Variants in HNF4G observed in about 807,000 individuals in gnomAD.
HNF4G encodes the protein hepatocyte nuclear factor 4-gamma.
Under a neutral mutation model 50.9 loss-of-function variants are expected in HNF4G, and 21 were observed. The ratio of observed to expected loss-of-function variants is 0.41; its 90% CI spans 0.29 to 0.59. HNF4G has a LOEUF of 0.59. HNF4G is among the 20% of genes least tolerant of loss of function. The pLI is 0.26. For synonymous variants in HNF4G, 198 were observed against 185.6 expected (o/e 1.07, Z -0.54); for missense variants, 527 against 559.4 (o/e 0.94, Z 0.58).
intron 1 of HNF4G, among the ~76,000 whole-genome samples, chr8:75,422,283 T>A (rs1810792970): frequency 6.6e-6 from 1 of 152,208 alleles, no homozygotes; most frequent in African/African-American, 2.4e-5. Flanking sequence ...CAGTAATTTA[T>A]CTGTTTTCTA....
chr8:75,548,944 G>T (rs758295302), intron 3 of HNF4G, among the ~76,000 whole-genome samples: 1 of 152,132 alleles, frequency 6.6e-6, no homozygotes, highest in Non-Finnish European at 1.5e-5. Context: ...CATTTAAAAA[G>T]TGATTTATTT....
At chr8:75,547,296 A>G (rs1806808952) in intron 2 of HNF4G, among the ~76,000 whole-genome samples, 1 of 152,366 alleles carries the variant, frequency 6.6e-6, no homozygotes, top group South Asian at 2.1e-4. Flanking sequence ...TGCCAAAGAT[A>G]TTCAAAACTA....
intron 5 of HNF4G, among the ~76,000 whole-genome samples, chr8:75,555,319 A>G (rs1038773030): frequency 3.9e-5 from 6 of 152,174 alleles, no homozygotes; most frequent in Admixed American, 3.9e-4. Flanking sequence ...GGGAAGTGTT[A>G]CATTGGTAGG....
chr8:75,471,807 T>C (rs1171451962), intron 1 of HNF4G, among the ~76,000 whole-genome samples: 2 of 152,186 alleles, frequency 1.3e-5, no homozygotes, highest in Non-Finnish European at 1.5e-5. Context: ...ACTCCCAATG[T>C]TGTGAGGATT....
chr8:75,411,111 G>T (rs990949672), intron 1 of HNF4G, among the ~76,000 whole-genome samples: 4 of 152,180 alleles, frequency 2.6e-5, no homozygotes, highest in African/African-American at 9.7e-5. Context: ...CTTGACTAAG[G>T]TTACACGTTT....
chr8:75,508,181 T>TCA (rs1805647119), intron 2 of HNF4G, among the ~76,000 whole-genome samples: 1 of 152,142 alleles, frequency 6.6e-6, no homozygotes, highest in African/African-American at 2.4e-5. Flanking sequence ...AAATCCATCC[T>TCA]TCCAGCACAG....
chr8:75,539,892 GCAAAACACAT>G lies in HNF4G; in HGVS notation c.-62_-53del. The G allele has an allele frequency of 1.4e-6, 1 of 734,102 alleles. No individual in the cohort carries two copies. Among genetic ancestry groups the G allele is most frequent in the South Asian group, 1.6e-5 (1 of 62,048 alleles). The allele number at this position is 734,102 out of a possible 1,614,324, so 45.5% of individuals were successfully genotyped here. The stretch of plus-strand genomic sequence containing the variant: ...TTGGATTAGCACTCACAGATTGAAA[GCAAAACACAT>G]CAAAACACTCATCACGCACTCTGGG... On this transcript the variant is annotated 5_prime_UTR_variant, in exon 1 of 10. Transcript: ENST00000396423.
At chr8:75,552,854 GGTATTTTATTTTTCAATTTAAATCA>G (rs1448774139) in intron 4 of HNF4G, among the ~76,000 whole-genome samples, 163 bp from the exon 5 acceptor site, 3 of 151,704 alleles carry the variant, frequency 2.0e-5, no homozygotes, top group Non-Finnish European at 4.4e-5. Context: ...TAAACTTATA[GGTATTTTATTTTTCAATTTAAATCA>G]GTATTTCATT....
At chr8:75,425,958 G>A (rs1810882292) in intron 1 of HNF4G, among the ~76,000 whole-genome samples, 1 of 152,038 alleles carries the variant, frequency 6.6e-6, no homozygotes, top group African/African-American at 2.4e-5. Context: ...GCTAATATTA[G>A]TTTTTTAAGG....
chr8:75,417,921 A>G (rs1255411617), intron 1 of HNF4G, among the ~76,000 whole-genome samples: 1 of 151,840 alleles, frequency 6.6e-6, no homozygotes, highest in Non-Finnish European at 1.5e-5. Context: ...TTGCACGATA[A>G]ATTTTGAATA....
chr8:75,485,463 A>G (rs1355442122), intron 1 of HNF4G, among the ~76,000 whole-genome samples: 1 of 152,184 alleles, frequency 6.6e-6, no homozygotes, highest in Non-Finnish European at 1.5e-5. Context: ...AATTCTATGT[A>G]AAAAACTGCA....
At chr8:75,512,940 A>T (rs1266323909) in intron 2 of HNF4G, among the ~76,000 whole-genome samples, 2 of 152,126 alleles carry the variant, frequency 1.3e-5, no homozygotes, top group Non-Finnish European at 2.9e-5. Flanking sequence ...TAGATGATTG[A>T]GTTTATGTGT....
At chr8:75,504,507 CATAT>C (rs1813023467) in intron 2 of HNF4G, among the ~76,000 whole-genome samples, 1 of 82,182 alleles carries the variant, frequency 1.2e-5, no homozygotes, top group Non-Finnish European at 2.3e-5. Flanking sequence ...CATATATACA[CATAT>C]ACATATACTT....
At chr8:75,511,771 T>C (rs1805758232) in intron 2 of HNF4G, among the ~76,000 whole-genome samples, 1 of 152,128 alleles carries the variant, frequency 6.6e-6, no homozygotes, top group Non-Finnish European at 1.5e-5. Flanking sequence ...TTTGTGTTTT[T>C]AGTAGAGACG....
intron 1 of HNF4G, among the ~76,000 whole-genome samples, chr8:75,419,109 G>T (rs1254113942): frequency 6.6e-6 from 1 of 152,172 alleles, no homozygotes; most frequent in Non-Finnish European, 1.5e-5. Context: ...TGGCCTTTGA[G>T]TCAATGATAG....
At chr8:75,407,976 C>T (rs963724304), upstream of HNF4G, 39 of 151,984 alleles carry the variant, frequency 2.6e-4, no homozygotes, top group African/African-American at 8.7e-4. Flanking sequence ...TAAGTTTCTC[C>T]GCCGCCGCCC....
intron 9 of HNF4G, 72 bp from the exon 10 acceptor site, chr8:75,563,903 G>A: frequency 6.5e-7 from 1 of 1,536,802 alleles, no homozygotes; most frequent in Non-Finnish European, 8.9e-7. Flanking sequence ...GTGTATTGGT[G>A]TTATGTAGGG....
chr8:75,486,177 A>G (rs1585885888), intron 1 of HNF4G, among the ~76,000 whole-genome samples: 1 of 152,200 alleles, frequency 6.6e-6, no homozygotes, highest in African/African-American at 2.4e-5. Flanking sequence ...TTTCTTGACC[A>G]TCACATTTGA....
chr8:75,556,562 T>C (rs78924581), intron 6 of HNF4G, among the ~76,000 whole-genome samples: 1 of 152,078 alleles, frequency 6.6e-6, no homozygotes, highest in Admixed American at 6.6e-5. Flanking sequence ...TAGACAGGAA[T>C]GCTAGAAGAG....
Sources: allele counts gnomAD v4.1 joint callset (sites outside exome capture counted in the v4.1 genomes callset), GRCh38; gene constraint gnomAD v4.1.1; transcripts MANE v1.5; gene names NCBI Gene and HGNC (gene_info 2026-07-23, HGNC 2026-07-21).